LIPC: variants seen among roughly 807,000 people sequenced by gnomAD.
LIPC encodes the protein hepatic triacylglycerol lipase.
In LIPC, 44 loss-of-function variants were observed where a neutral mutation model predicts 50.7. The ratio of observed to expected loss-of-function variants is 0.87; its 90% CI spans 0.68 to 1.11. The LOEUF is 1.11. Ranked by LOEUF, LIPC falls within the 50% of genes most tolerant of loss-of-function variation. The pLI is 0.00. For synonymous variants in LIPC, 271 were observed against 256.4 expected (o/e 1.06, Z -0.54); for missense variants, 697 against 648.2 (o/e 1.08, Z -0.82).
intron 1 of LIPC, among the ~76,000 whole-genome samples, chr15:58,499,933 G>A (rs1387469333): frequency 2.6e-5 from 4 of 152,140 alleles, no homozygotes; most frequent in African/African-American, 9.7e-5. Context: ...AGGGAGGTCT[G>A]TTTCGGTAGA....
intron 1 of LIPC, among the ~76,000 whole-genome samples, chr15:58,478,225 TCA>T (rs1249131800): frequency 6.6e-6 from 1 of 152,118 alleles, no homozygotes; most frequent in Non-Finnish European, 1.5e-5. Flanking sequence ...AAACTCACTC[TCA>T]CATTTCTTTT....
chr15:58,458,845 G>GT (rs1566914198), intron 1 of LIPC, among the ~76,000 whole-genome samples: 1 of 152,142 alleles, frequency 6.6e-6, no homozygotes, highest in Non-Finnish European at 1.5e-5. Flanking sequence ...TTTACAGAGG[G>GT]TTTTTTGCCA....
chr15:58,446,172 G>A (rs1355295537), intron 1 of LIPC, among the ~76,000 whole-genome samples: 1 of 152,180 alleles, frequency 6.6e-6, no homozygotes, highest in African/African-American at 2.4e-5. Context: ...TGGACATCAT[G>A]ATACTTCAAT....
intron 1 of LIPC, among the ~76,000 whole-genome samples, chr15:58,468,431 A>G (rs561777242): frequency 1.3e-5 from 2 of 152,262 alleles, no homozygotes; most frequent in African/African-American, 4.8e-5. Flanking sequence ...GAGGGCCCAC[A>G]ATCTGGGTTT....
rs571425762 is a variant in LIPC, at chr15:58,541,254, A to C, written c.274-531A>C. 1.2e-4 allele frequency among the ~76,000 whole-genome samples: 19 copies of C among 152,104 alleles called. No individual in the cohort carries two copies. In the Middle Eastern group the frequency reaches 0.01, roughly 82 times the overall value. ...TCTCTGTAAACATTTTTTACCTCCT[A>C]CTATGTCAGGCTCACAGTGCCCATC... On this transcript the variant is annotated intron_variant, in intron 2 of 8. Transcript: ENST00000299022.
At chr15:58,478,285 C>A (rs1209166800) in intron 1 of LIPC, among the ~76,000 whole-genome samples, 1 of 152,196 alleles carries the variant, frequency 6.6e-6, no homozygotes, top group African/African-American at 2.4e-5. Flanking sequence ...ATCACCCAGG[C>A]TGGAATGCAG....
intron 1 of LIPC, among the ~76,000 whole-genome samples, chr15:58,445,789 C>T (rs116039962): frequency 0.014 from 2,207 of 152,230 alleles, 62 homozygotes; most frequent in African/African-American, 0.05. Flanking sequence ...TTATAGAGAC[C>T]CCACTGGGCT....
At chr15:58,542,061 G>A in intron 3 of LIPC, 94 bp downstream of exon 3, 1 of 1,358,500 alleles carries the variant, frequency 7.4e-7, no homozygotes, top group East Asian at 2.5e-5. Context: ...CAGCAGCCCA[G>A]GCAGGAGAAG....
intron 1 of LIPC, among the ~76,000 whole-genome samples, chr15:58,463,142 T>C (rs1284758162): frequency 2.0e-5 from 3 of 152,370 alleles, no homozygotes; most frequent in East Asian, 3.9e-4. Flanking sequence ...ATTGTGCTTC[T>C]ACCGCACACC....
At chr15:58,514,147 G>A (rs1319342206) in intron 1 of LIPC, among the ~76,000 whole-genome samples, 2 of 152,172 alleles carry the variant, frequency 1.3e-5, no homozygotes, top group Non-Finnish European at 2.9e-5. Context: ...ATAACTAAAG[G>A]AGCCAGAACA....
At chr15:58,552,617 A>G (rs1187593019) in intron 6 of LIPC, among the ~76,000 whole-genome samples, 2 of 152,176 alleles carry the variant, frequency 1.3e-5, no homozygotes, top group African/African-American at 4.8e-5. Context: ...TGCTCGCCGC[A>G]GCCATGAGAG....
At chr15:58,564,543 C>G (rs1319835067) in intron 8 of LIPC, among the ~76,000 whole-genome samples, 1 of 151,034 alleles carries the variant, frequency 6.6e-6, no homozygotes, top group Admixed American at 6.6e-5. Context: ...GCCTGGCCGA[C>G]ATGGTGAAAT....
intron 1 of LIPC, 76 bp from the exon 2 acceptor site, chr15:58,538,257 G>T: frequency 7.1e-7 from 1 of 1,409,512 alleles, no homozygotes. Flanking sequence ...GCTTGTAGAA[G>T]CAGCCTTTGA....
chr15:58,499,140 C>T (rs1891883442), intron 1 of LIPC, among the ~76,000 whole-genome samples: 1 of 152,170 alleles, frequency 6.6e-6, no homozygotes, highest in South Asian at 2.1e-4. Flanking sequence ...GCGAGAACAC[C>T]AGGGAACATG....
intron 1 of LIPC, chr15:58,456,405 TG>T: frequency 6.6e-6 from 1 of 152,396 alleles, no homozygotes; most frequent in East Asian, 1.9e-4. Context: ...CCTGTTGTTC[TG>T]AAGTTGTATT....
intron 1 of LIPC, among the ~76,000 whole-genome samples, chr15:58,485,091 G>T (rs1339376988): frequency 6.6e-6 from 1 of 152,218 alleles, no homozygotes; most frequent in Non-Finnish European, 1.5e-5. Context: ...AAGAATGATA[G>T]GAACCTAACA....
intron 1 of LIPC, among the ~76,000 whole-genome samples, chr15:58,481,945 G>A (rs1405990476): frequency 6.6e-6 from 1 of 152,190 alleles, no homozygotes; most frequent in Non-Finnish European, 1.5e-5. Flanking sequence ...GCACTTGTAT[G>A]TGCCTATCCT....
At chr15:58,483,530 G>C (rs537342287) in intron 1 of LIPC, among the ~76,000 whole-genome samples, 5 of 152,222 alleles carry the variant, frequency 3.3e-5, no homozygotes, top group African/African-American at 9.6e-5. Flanking sequence ...AGGGTAGAAG[G>C]GGGTAACCTC....
chr15:58,457,068 T>C (rs1217253808), intron 1 of LIPC, among the ~76,000 whole-genome samples: 1 of 152,186 alleles, frequency 6.6e-6, no homozygotes, highest in African/African-American at 2.4e-5. Flanking sequence ...AAAACAGCAC[T>C]GGGCGATGTG....
Sources: allele counts gnomAD v4.1 joint callset (sites outside exome capture counted in the v4.1 genomes callset), GRCh38; gene constraint gnomAD v4.1.1; transcripts MANE v1.5; gene names NCBI Gene and HGNC (gene_info 2026-07-23, HGNC 2026-07-21).